SOCS7: variants seen among roughly 807,000 people sequenced by gnomAD.
SOCS7 encodes NAP-4.
In SOCS7, 18 loss-of-function variants were observed where a neutral mutation model predicts 58.9. That is an observed-to-expected ratio of 0.31 (90% CI 0.21 to 0.45). SOCS7 has a LOEUF of 0.45. SOCS7 is among the 20% of genes least tolerant of loss of function. The probability of loss-of-function intolerance (pLI) is 1.00; values close to 1 mark genes in which losing one functional copy is unlikely to be tolerated. For synonymous variants in SOCS7, 388 were observed against 364.3 expected, an observed-to-expected ratio of 1.06 and a Z score of -0.74; for missense variants, 667 against 837.3, an observed-to-expected ratio of 0.80 and a Z score of 2.51.
chr17:38,365,243 C>T, intron 3 of SOCS7, 65 bp from the exon 4 acceptor site: 1 of 1,251,032 alleles, frequency 8.0e-7, no homozygotes, highest in Non-Finnish European at 1.1e-6. Flanking sequence ...TCCCTCTCCT[C>T]TGCCTTCAGC....
chr17:38,357,966 G>A (rs1909678133), intron 1 of SOCS7, among the ~76,000 whole-genome samples: 1 of 152,206 alleles, frequency 6.6e-6, no homozygotes. Context: ...CCATAAATCT[G>A]TTGCAGTACA....
intron 2 of SOCS7, among the ~76,000 whole-genome samples, chr17:38,363,018 G>A (rs941610247): frequency 6.6e-6 from 1 of 152,122 alleles, no homozygotes; most frequent in Non-Finnish European, 1.5e-5. Flanking sequence ...GGAGGCCGAG[G>A]CAGGAGAATC....
chr17:38,391,996 C>T (rs1047558896), intron 7 of SOCS7, among the ~76,000 whole-genome samples: 1 of 152,148 alleles, frequency 6.6e-6, no homozygotes, highest in Non-Finnish European at 1.5e-5. Context: ...GGTTTGTGCC[C>T]AGGACCTCTG....
chr17:38,363,109 CAAA>C (rs755642509), intron 2 of SOCS7, among the ~76,000 whole-genome samples: 1 of 138,928 alleles, frequency 7.2e-6, no homozygotes, highest in African/African-American at 2.6e-5. Context: ...GCCTCTGTCT[CAAA>C]AAAAAAAAAG....
chr17:38,381,789 C>A (rs959182679), intron 7 of SOCS7, among the ~76,000 whole-genome samples: 1 of 151,526 alleles, frequency 6.6e-6, no homozygotes, highest in African/African-American at 2.4e-5. Flanking sequence ...TATGGTGAAA[C>A]CCCATCTCTA....
chr17:38,368,502 C>A (rs1309163414), intron 6 of SOCS7, among the ~76,000 whole-genome samples: 1 of 141,428 alleles, frequency 7.1e-6, no homozygotes, highest in East Asian at 2.3e-4. Context: ...TTCTGAATTT[C>A]TTTCTTTTTT....
In SOCS7 at chr17:38,351,937, C is replaced by T. The variant is rs1371550620; in HGVS notation, c.-116C>T. 2.0e-5 allele frequency among the ~76,000 whole-genome samples: 3 copies of T among 151,402 alleles called. No individual in the cohort carries two copies. The highest frequency in any genetic ancestry group is 7.3e-5 in the African/African-American group (3 of 41,322). On this transcript the variant is annotated 5_prime_UTR_variant, in exon 1 of 10. Coordinates refer to ENST00000612932, the MANE Select transcript of SOCS7 (RefSeq NM_014598.4). The stretch of plus-strand genomic sequence containing the variant: ...GCCCCCCTCTATGAGGCAGAGGCCG[C>T]GGCGGCCGTTAGCGCTGTCGCTCCG...
intron 6 of SOCS7, among the ~76,000 whole-genome samples, chr17:38,374,609 G>A (rs1009325684): frequency 6.6e-6 from 1 of 152,196 alleles, no homozygotes; most frequent in Non-Finnish European, 1.5e-5. Flanking sequence ...CTGTGACAGA[G>A]CCAATCAAGG....
chr17:38,367,415 C>G (rs191826730), intron 5 of SOCS7, among the ~76,000 whole-genome samples: 2 of 151,882 alleles, frequency 1.3e-5, no homozygotes, highest in Admixed American at 1.3e-4. Flanking sequence ...ACTGTGTAAC[C>G]CAGGCTGGAG....
chr17:38,376,861 G>A (rs1022995571), intron 6 of SOCS7, among the ~76,000 whole-genome samples: 9 of 152,076 alleles, frequency 5.9e-5, no homozygotes, highest in East Asian at 1.9e-4. Context: ...TATGACAGTC[G>A]TCCCATAAGA....
chr17:38,352,370 G>A lies in SOCS7; in HGVS notation c.318G>A (p.Pro106=). 1.4e-6 allele frequency: 2 copies of A among 1,443,298 alleles called. No homozygotes were observed. The highest frequency in any genetic ancestry group is 2.8e-5 in the East Asian group (1 of 36,012). The allele number at this position is 1,443,298 out of a possible 1,614,324, so 89.4% of individuals were successfully genotyped here. Residue 106 remains proline (P), a synonymous_variant, in exon 1 of 10, where the codon CCG becomes CCA. Transcript: ENST00000612932. The surrounding 1 kb of genome is among the most constrained non-coding windows in gnomAD (Gnocchi z 5.5). ...CCCTGGACCCCAAGGCCCTGCCGCC[G>A]GGCTTGGCGCTCGAGCGGACCTGGG... ...RCALDPKALP[P]GLALERTWGP...
rs1045846593 is a variant in SOCS7, at chr17:38,354,482, G to A, written c.980+1450G>A. On this transcript the variant is annotated intron_variant, in intron 1 of 9. Coordinates refer to ENST00000612932, the MANE Select transcript of SOCS7 (RefSeq NM_014598.4). ...TGGATTTGGCTTTCTTGCCCTTTCT[G>A]AACAGCTGTGCCATGGGCTTATCTT... Among the ~76,000 whole-genome samples, 7 of 138,114 alleles carry A rather than the reference G, an allele frequency of 5.1e-5. No individual in the cohort carries two copies. In the East Asian group the frequency reaches 1.4e-3, roughly 27 times the overall value. The allele number at this position is 138,114 out of a possible 152,430, so 90.6% of individuals were successfully genotyped here.
intron 7 of SOCS7, among the ~76,000 whole-genome samples, 170 bp downstream of exon 7, chr17:38,378,012 ATCTC>A (rs2037953895): frequency 6.6e-6 from 1 of 152,146 alleles, no homozygotes. Context: ...TTGTACATTA[ATCTC>A]TCAGCATACT....
intron 1 of SOCS7, among the ~76,000 whole-genome samples, chr17:38,361,010 A>G (rs2037711721): frequency 6.6e-6 from 1 of 152,228 alleles, no homozygotes. Context: ...TCTTTGGTAT[A>G]TTAACCAAAA....
At chr17:38,386,323 C>CAAAAAAAA (rs548448434) in intron 7 of SOCS7, among the ~76,000 whole-genome samples, 600 of 51,726 alleles carry the variant, frequency 0.012, 19 homozygotes, top group African/African-American at 0.028. Flanking sequence ...GGCTGTGTCT[C>CAAAAAAAA]AAAAAAAAAA....
chr17:38,363,823 AG>A (rs2037751095), intron 2 of SOCS7, among the ~76,000 whole-genome samples: 1 of 152,180 alleles, frequency 6.6e-6, no homozygotes, highest in Non-Finnish European at 1.5e-5. Context: ...TTAAAAAAAA[AG>A]GTGTTGGAAG....
intron 7 of SOCS7, among the ~76,000 whole-genome samples, chr17:38,394,258 G>A (rs1210255397): frequency 3.3e-5 from 5 of 152,168 alleles, no homozygotes; most frequent in African/African-American, 4.8e-5. Flanking sequence ...ATCAGCAGGC[G>A]GGTTTGCACT....
At position 38,353,743 on chromosome 17, in the gene SOCS7, A is replaced by G. The variant is rs544001076; in HGVS notation, c.980+711A>G. On this transcript the variant is annotated intron_variant, in intron 1 of 9. Coordinates refer to ENST00000612932, the MANE Select transcript of SOCS7 (RefSeq NM_014598.4). ...ACATGCGAAACCCCATCTCTACAAA[A>G]CAAACAAACAAAAAATTAGCCCCCA... Among the ~76,000 whole-genome samples, 3 of 152,170 alleles carry G rather than the reference A, an allele frequency of 2.0e-5. No homozygotes were observed. In the South Asian group the frequency reaches 6.2e-4, roughly 32 times the overall value.
Position 38,400,849 on chromosome 17 carries a change from T to C in SOCS7, c.*1367T>C, listed in dbSNP as rs1016943830. 4 of 152,238 alleles carry C rather than the reference T, an allele frequency of 2.6e-5. No individual in the cohort carries two copies. Among genetic ancestry groups the C allele is most frequent in the African/African-American group, 9.6e-5 (4 of 41,458 alleles). The allele number at this position is 152,238 out of a possible 1,614,324, so 9.4% of individuals were successfully genotyped here. ...TGCAGCTGGCCATGGCCAATTCATA[T>C]GACATTGTGAGTTTGCTTTCTTATA... On this transcript the variant is annotated 3_prime_UTR_variant, in exon 10 of 10. Transcript: ENST00000612932.
Sources: allele counts gnomAD v4.1 joint callset (sites outside exome capture counted in the v4.1 genomes callset), GRCh38; gene constraint gnomAD v4.1.1; non-coding constraint Gnocchi (gnomAD v3.1); transcripts MANE v1.5; gene names NCBI Gene and HGNC (gene_info 2026-07-23, HGNC 2026-07-21).